Variants in OPCML observed in about 807,000 individuals in gnomAD.
OPCML encodes opioid-binding protein/cell adhesion molecule.
Under a neutral mutation model 37.8 loss-of-function variants are expected in OPCML, and 13 were observed. That is an observed-to-expected ratio of 0.34 (90% confidence interval 0.22 to 0.55). The LOEUF is 0.55. OPCML is among the 20% of genes least tolerant of loss of function. The pLI is 0.91. For missense variants in OPCML, 341 were observed against 435.6 expected, an observed-to-expected ratio of 0.78 and a Z score of 1.93; for synonymous variants, 176 against 168.8, an observed-to-expected ratio of 1.04 and a Z score of -0.33.
intron 3 of OPCML, among the ~76,000 whole-genome samples, chr11:132,593,308 C>A (rs1167894588): frequency 6.6e-6 from 1 of 152,104 alleles, no homozygotes; most frequent in Middle Eastern, 3.4e-3. Context: ...CAGTGGAAGG[C>A]GAAGTGGTGG....
intron 4 of OPCML, among the ~76,000 whole-genome samples, chr11:132,526,866 G>C (rs2096309886): frequency 6.6e-6 from 1 of 151,740 alleles, no homozygotes; most frequent in Non-Finnish European, 1.5e-5. Flanking sequence ...AGAATTTCTT[G>C]TGGCCCTTTG....
At chr11:133,164,320 C>T (rs1950181879) in intron 1 of OPCML, among the ~76,000 whole-genome samples, 1 of 152,190 alleles carries the variant, frequency 6.6e-6, no homozygotes, top group East Asian at 1.9e-4. Context: ...TATGATGCCT[C>T]TCTTGCGGGG....
chr11:133,031,559 T>C (rs555474657), intron 1 of OPCML, among the ~76,000 whole-genome samples: 1 of 150,044 alleles, frequency 6.7e-6, no homozygotes, highest in Admixed American at 6.6e-5. Flanking sequence ...GGATGGTTGG[T>C]GGATGGATGG....
chr11:133,020,940 A>G (rs116685125), intron 1 of OPCML, among the ~76,000 whole-genome samples: 18 of 152,164 alleles, frequency 1.2e-4, no homozygotes, highest in South Asian at 4.1e-4. Flanking sequence ...CTTGGCATAC[A>G]TAGACTCTCA....
intron 1 of OPCML, among the ~76,000 whole-genome samples, chr11:133,020,903 T>C (rs1171990289): frequency 6.6e-6 from 1 of 152,200 alleles, no homozygotes; most frequent in Non-Finnish European, 1.5e-5. Context: ...TGGCAAAGAA[T>C]GGATTTTAAT....
At chr11:133,118,154 A>T in intron 1 of OPCML, 2 of 870,138 alleles carry the variant, frequency 2.3e-6, no homozygotes, top group Non-Finnish European at 2.8e-6. Flanking sequence ...ACTACTTTTG[A>T]ATATGTCTCT....
intron 1 of OPCML, among the ~76,000 whole-genome samples, chr11:133,286,850 T>A (rs1942313397): frequency 6.6e-6 from 1 of 152,194 alleles, no homozygotes; most frequent in Non-Finnish European, 1.5e-5. Flanking sequence ...AACCGGTCAA[T>A]CATTATTTGT....
At chr11:132,721,341 A>G (rs1021698697) in intron 2 of OPCML, among the ~76,000 whole-genome samples, 1 of 152,202 alleles carries the variant, frequency 6.6e-6, no homozygotes, top group African/African-American at 2.4e-5. Context: ...TGGCCAGCAG[A>G]CAAGGAGGAC....
intron 2 of OPCML, among the ~76,000 whole-genome samples, chr11:132,893,749 C>T (rs1943737789): frequency 6.6e-6 from 1 of 152,198 alleles, no homozygotes; most frequent in Non-Finnish European, 1.5e-5. Context: ...GTAATAGCTC[C>T]CATTGTTTTG....
intron 1 of OPCML, among the ~76,000 whole-genome samples, chr11:133,070,363 AC>A (rs774260219): frequency 3.0e-4 from 46 of 152,056 alleles, no homozygotes; most frequent in Admixed American, 1.4e-3. Context: ...AGCTCCCGGA[AC>A]CCCCTTGGCC....
chr11:132,426,679 G>A (rs4937701), intron 7 of OPCML, among the ~76,000 whole-genome samples: 4,303 of 152,214 alleles, frequency 0.028, 193 homozygotes, highest in East Asian at 0.17. Context: ...TGACCCACTC[G>A]CCTCGGCCTC....
chr11:133,335,214 G>C (rs1485523271), intron 1 of OPCML, among the ~76,000 whole-genome samples: 2 of 152,138 alleles, frequency 1.3e-5, no homozygotes, highest in African/African-American at 4.8e-5. Flanking sequence ...GATGGGCAAG[G>C]CTGCCGTTCT....
intron 1 of OPCML, chr11:133,004,412 G>A: frequency 1.0e-6 from 1 of 985,450 alleles, no homozygotes; most frequent in Non-Finnish European, 1.2e-6. Flanking sequence ...TCTATCATCT[G>A]GCAATTGACA....
intron 1 of OPCML, among the ~76,000 whole-genome samples, chr11:133,235,375 T>C (rs1940466939): frequency 6.6e-6 from 1 of 152,088 alleles, no homozygotes; most frequent in South Asian, 2.1e-4. Context: ...TGATTATTTA[T>C]GTAACTCTAG....
chr11:133,118,477 C>A, intron 1 of OPCML: 1 of 917,932 alleles, frequency 1.1e-6, no homozygotes, highest in Non-Finnish European at 1.3e-6. Context: ...AGACTGAATG[C>A]CTCCATTTGG....
At chr11:132,843,611 CAA>C (rs11284432) in intron 2 of OPCML, among the ~76,000 whole-genome samples, 64,559 of 144,420 alleles carry the variant, frequency 0.45, 14,353 homozygotes, top group Middle Eastern at 0.53. Context: ...AGCCTGGCAC[CAA>C]AAAAAAAAAA....
At chr11:133,353,193 G>A (rs947992200) in intron 1 of OPCML, among the ~76,000 whole-genome samples, 2 of 152,136 alleles carry the variant, frequency 1.3e-5, no homozygotes, top group Non-Finnish European at 2.9e-5. Flanking sequence ...TTGAGATACA[G>A]TCTCACCCTA....
intron 3 of OPCML, among the ~76,000 whole-genome samples, chr11:132,638,186 T>TATATATATATATATATAGAGAG (rs71067383): frequency 1.5e-5 from 2 of 131,018 alleles, no homozygotes; most frequent in African/African-American, 5.5e-5. Flanking sequence ...TATATATATA[T>TATATATATATATATATAGAGAG]ACAGAGAGAG....
At chr11:132,733,104 C>T (rs1945134188) in intron 2 of OPCML, among the ~76,000 whole-genome samples, 1 of 151,996 alleles carries the variant, frequency 6.6e-6, no homozygotes, top group African/African-American at 2.4e-5. Context: ...ATTACAAACA[C>T]ACAAAAAGAT....
Sources: allele counts gnomAD v4.1 joint callset (sites outside exome capture counted in the v4.1 genomes callset), GRCh38; gene constraint gnomAD v4.1.1; transcripts MANE v1.5; gene names NCBI Gene and HGNC (gene_info 2026-07-23, HGNC 2026-07-21).